The following ROBO2 variants were observed in gnomAD, a reference collection of about 807,000 sequenced individuals.
The protein encoded by ROBO2 is roundabout homolog 2.
In ROBO2, 53 loss-of-function variants were observed where a neutral mutation model predicts 160.8. The ratio of observed to expected loss-of-function variants is 0.33; its 90% confidence interval spans 0.26 to 0.41. The LOEUF (loss-of-function observed/expected upper bound fraction) is 0.41, where lower values mean the gene tolerates loss of function less well. ROBO2 is among the 10% of genes least tolerant of loss of function. ROBO2 has a pLI of 1.00. For missense variants in ROBO2, 1,577 were observed against 1,722.4 expected (o/e 0.92, Z 1.49); for synonymous variants, 664 against 611.7 (o/e 1.09, Z -1.26).
chr3:76,066,739 A>C (rs964612276), intron 2 of ROBO2, among the ~76,000 whole-genome samples: 1 of 151,952 alleles, frequency 6.6e-6, no homozygotes, highest in Non-Finnish European at 1.5e-5. Flanking sequence ...CATTTATCTT[A>C]GTGTTACTTT....
chr3:77,411,566 C>A (rs749972815), intron 2 of ROBO2, among the ~76,000 whole-genome samples: 3 of 152,102 alleles, frequency 2.0e-5, no homozygotes, highest in Non-Finnish European at 4.4e-5. Context: ...TCCTTCACAC[C>A]TTGCTACGGT....
intron 2 of ROBO2, chr3:76,434,071 G>A: frequency 7.6e-7 from 1 of 1,317,208 alleles, no homozygotes; most frequent in South Asian, 1.2e-5. Context: ...TGGGCCTCCT[G>A]GAGGCAGTAT....
At chr3:76,883,556 G>A (rs1429451399) in intron 2 of ROBO2, among the ~76,000 whole-genome samples, 1 of 152,118 alleles carries the variant, frequency 6.6e-6, no homozygotes, top group Non-Finnish European at 1.5e-5. Context: ...AGCATATGAT[G>A]GAAACCATTT....
intron 2 of ROBO2, among the ~76,000 whole-genome samples, chr3:76,445,913 A>G (rs550870680): frequency 3.3e-5 from 5 of 152,280 alleles, no homozygotes; most frequent in East Asian, 1.9e-4. Flanking sequence ...GCTATTTATG[A>G]CAAACCCACA....
At chr3:77,438,736 A>G (rs1359695926) in intron 2 of ROBO2, among the ~76,000 whole-genome samples, 1 of 152,014 alleles carries the variant, frequency 6.6e-6, no homozygotes, top group Non-Finnish European at 1.5e-5. Flanking sequence ...CTCTACAAAA[A>G]CAGGCAACAG....
intron 1 of ROBO2, among the ~76,000 whole-genome samples, chr3:75,927,154 GCA>G (rs917310141): frequency 1.1e-4 from 16 of 152,152 alleles, no homozygotes; most frequent in Non-Finnish European, 2.4e-4. Flanking sequence ...GGCTTAAACA[GCA>G]ATAACTTTAT....
Position 77,642,554 on chromosome 3 carries a change from A to C in ROBO2, c.3935-2150A>C, listed in dbSNP as rs181670104. 2.2e-5 allele frequency: 8 copies of C among 359,824 alleles called. No individual in the cohort carries two copies. In the East Asian group the frequency reaches 3.7e-4, roughly 17 times the overall value. 22.3% of individuals were successfully genotyped at this position (359,824 alleles called of 1,614,324 possible). On this transcript the variant is annotated intron_variant, in intron 24 of 25. Coordinates refer to ENST00000461745, the Ensembl canonical transcript of ROBO2. ...TAAATAATTGACTTTTATTTTCCCC[A>C]AATTTTTTTTGTATGGGTAATACCT...
chr3:77,594,627 T>C (rs1009008427), intron 17 of ROBO2, among the ~76,000 whole-genome samples: 1 of 152,206 alleles, frequency 6.6e-6, no homozygotes, highest in African/African-American at 2.4e-5. Flanking sequence ...TATCACTGTT[T>C]ATGAGGGTCA....
intron 2 of ROBO2, among the ~76,000 whole-genome samples, chr3:76,758,668 A>T (rs1040986515): frequency 6.6e-6 from 1 of 151,818 alleles, no homozygotes; most frequent in African/African-American, 2.4e-5. Flanking sequence ...GGGAAAATGA[A>T]ACTTCTATGA....
intron 2 of ROBO2, among the ~76,000 whole-genome samples, chr3:76,127,656 A>T (rs2071043584): frequency 6.6e-6 from 1 of 151,830 alleles, no homozygotes; most frequent in African/African-American, 2.4e-5. Flanking sequence ...GCAACAGAAA[A>T]CCAATCTGTG....
chr3:77,293,225 G>C (rs1027032863), intron 2 of ROBO2, among the ~76,000 whole-genome samples: 21 of 151,260 alleles, frequency 1.4e-4, no homozygotes, highest in South Asian at 4.2e-4. Flanking sequence ...GCTGAGGCTA[G>C]ATCACCCCAG....
chr3:77,236,278 TAA>T (rs1165718643), intron 2 of ROBO2, among the ~76,000 whole-genome samples: 1 of 152,196 alleles, frequency 6.6e-6, no homozygotes, highest in African/African-American at 2.4e-5. Context: ...GTTACCATGA[TAA>T]GATAAGAGTT....
At chr3:76,485,821 G>C (rs146687746) in intron 2 of ROBO2, among the ~76,000 whole-genome samples, 3 of 152,136 alleles carry the variant, frequency 2.0e-5, no homozygotes, top group Admixed American at 2.0e-4. Flanking sequence ...GACTATAGTC[G>C]TGGATCTTAA....
At chr3:76,010,656 AT>A (rs1453428640) in intron 2 of ROBO2, among the ~76,000 whole-genome samples, 1 of 152,160 alleles carries the variant, frequency 6.6e-6, no homozygotes, top group Non-Finnish European at 1.5e-5. Flanking sequence ...TGTCCACATA[AT>A]TTTTTTCTTT....
intron 2 of ROBO2, among the ~76,000 whole-genome samples, chr3:77,324,781 C>CAAA (rs1362890088): frequency 1.8e-5 from 1 of 54,826 alleles, no homozygotes; most frequent in Admixed American, 2.4e-4. Flanking sequence ...GACTCCGTCT[C>CAAA]AAAAAGAAAA....
intron 2 of ROBO2, among the ~76,000 whole-genome samples, chr3:77,183,555 G>A (rs1402084254): frequency 6.6e-6 from 1 of 152,002 alleles, no homozygotes; most frequent in Non-Finnish European, 1.5e-5. Flanking sequence ...ATCAAGGGCA[G>A]AGGCCTTAGA....
intron 2 of ROBO2, among the ~76,000 whole-genome samples, chr3:76,404,756 G>A (rs1381331220): frequency 5.3e-5 from 8 of 151,514 alleles, no homozygotes; most frequent in African/African-American, 1.9e-4. Context: ...ACATTGAAGA[G>A]TGAGGGAAAG....
intron 2 of ROBO2, among the ~76,000 whole-genome samples, chr3:76,541,602 G>C (rs550477793): frequency 3.9e-5 from 6 of 152,318 alleles, no homozygotes; most frequent in African/African-American, 7.2e-5. Flanking sequence ...AGATGGCAAA[G>C]AGAGAAGAGT....
intron 2 of ROBO2, among the ~76,000 whole-genome samples, chr3:76,531,550 C>T (rs1431093776): frequency 2.6e-5 from 4 of 151,108 alleles, no homozygotes; most frequent in South Asian, 4.2e-4. Context: ...AAAGGTAAAA[C>T]AACTGCCCTA....
Sources: allele counts gnomAD v4.1 joint callset (sites outside exome capture counted in the v4.1 genomes callset), GRCh38; gene constraint gnomAD v4.1.1; transcripts MANE v1.5; gene names NCBI Gene and HGNC (gene_info 2026-07-23, HGNC 2026-07-21).